Variants in EDIL3 observed in about 807,000 individuals in gnomAD.
EDIL3 encodes the protein EGF-like repeat and discoidin I-like domain-containing protein 3.
Under a neutral mutation model 67.4 loss-of-function variants are expected in EDIL3, and 37 were observed. That is an observed-to-expected ratio of 0.55 (90% confidence interval 0.42 to 0.72). The LOEUF (loss-of-function observed/expected upper bound fraction) is 0.72. Ranked by LOEUF, EDIL3 falls within the 30% of genes least tolerant of loss-of-function variation. The pLI, the probability that EDIL3 is intolerant of heterozygous loss-of-function variation, is 0.00. For missense variants in EDIL3, 527 were observed against 586.3 expected (o/e 0.90, Z 1.04); for synonymous variants, 195 against 196.3 (o/e 0.99, Z 0.05).
At chr5:84,193,006 T>C (rs189136705) in intron 3 of EDIL3, among the ~76,000 whole-genome samples, 6 of 151,984 alleles carry the variant, frequency 3.9e-5, no homozygotes, top group Admixed American at 3.3e-4. Flanking sequence ...AAAAAGGGCC[T>C]GTGGTAAGAC....
rs560182524 is a variant in EDIL3, at chr5:83,990,804, C to T, written c.1138-27444G>A. Among the ~76,000 whole-genome samples the T allele has an allele frequency of 2.0e-5, 3 of 150,768 alleles. 1 individual carries two copies. The highest frequency in any genetic ancestry group is 4.9e-5 in the African/African-American group (2 of 41,090). ...CTGAAACAGGAGAATTGCTTGAACC[C>T]GAGAGGTGGAGGTTGCAGTGAGATG... On this transcript the variant is annotated intron_variant, in intron 9 of 10. Coordinates refer to ENST00000296591, the MANE Select transcript of EDIL3 (RefSeq NM_005711.5).
intron 1 of EDIL3, among the ~76,000 whole-genome samples, chr5:84,378,958 C>T (rs1748024838): frequency 6.6e-6 from 1 of 152,042 alleles, no homozygotes; most frequent in African/African-American, 2.4e-5. Flanking sequence ...ATAATGATGA[C>T]AAAATATCAC....
At chr5:84,053,913 A>G (rs1258666931) in intron 9 of EDIL3, among the ~76,000 whole-genome samples, 1 of 152,184 alleles carries the variant, frequency 6.6e-6, no homozygotes, top group African/African-American at 2.4e-5. Context: ...TTCTGAAACT[A>G]TTCCAATCAA....
At position 84,250,159 on chromosome 5, in the gene EDIL3, C is replaced by G. The variant is rs372653170; in HGVS notation, c.196+3925G>C. ...CACTGGTTAATCTGGGTAATGCCTT[C>G]GAATTCAAGAATTTAAAACAAGGGC... On this transcript the variant is annotated intron_variant, in intron 2 of 10. Coordinates refer to ENST00000296591, the MANE Select transcript of EDIL3 (RefSeq NM_005711.5). Among the ~76,000 whole-genome samples the G allele has an allele frequency of 5.1e-4, 78 of 152,226 alleles. No individual in the cohort carries two copies. In the South Asian group the frequency reaches 0.016, roughly 31 times the overall value.
chr5:84,379,167 G>A (rs1009325346), intron 1 of EDIL3, among the ~76,000 whole-genome samples: 7 of 152,146 alleles, frequency 4.6e-5, no homozygotes, highest in Non-Finnish European at 7.4e-5. Flanking sequence ...CCTTAAAAGG[G>A]TATAATGGTG....
intron 1 of EDIL3, among the ~76,000 whole-genome samples, chr5:84,267,863 T>C (rs991191336): frequency 6.6e-6 from 1 of 152,208 alleles, no homozygotes; most frequent in Non-Finnish European, 1.5e-5. Flanking sequence ...AAGGCCAGGC[T>C]CTGTGGCTCA....
intron 1 of EDIL3, among the ~76,000 whole-genome samples, chr5:84,365,896 A>T (rs1747722730): frequency 2.0e-5 from 3 of 152,136 alleles, no homozygotes; most frequent in Admixed American, 2.0e-4. Context: ...TCTCTACAAC[A>T]GCTCTATTAG....
intron 1 of EDIL3, among the ~76,000 whole-genome samples, chr5:84,298,637 G>C (rs1012586026): frequency 1.3e-5 from 2 of 152,096 alleles, no homozygotes; most frequent in African/African-American, 4.8e-5. Context: ...AAATAAAAAA[G>C]AAACTTCTCA....
At chr5:84,017,690 A>G (rs1340538671) in intron 9 of EDIL3, among the ~76,000 whole-genome samples, 2 of 152,180 alleles carry the variant, frequency 1.3e-5, no homozygotes, top group South Asian at 2.1e-4. Flanking sequence ...AAATTACAGC[A>G]TGCGCACCCA....
Position 84,242,257 on chromosome 5 carries a change from A to G in EDIL3, c.196+11827T>C, listed in dbSNP as rs201343627. Among the ~76,000 whole-genome samples, 4 of 151,972 alleles carry G rather than the reference A, an allele frequency of 2.6e-5. No individual in the cohort carries two copies. In the East Asian group the frequency reaches 7.8e-4, roughly 29 times the overall value. On this transcript the variant is annotated intron_variant, in intron 2 of 10. Coordinates refer to ENST00000296591, the MANE Select transcript of EDIL3 (RefSeq NM_005711.5). ...AAAAAAAAAAAAAATTTACACAAAA[A>G]CCCTTTGAAGTTGGTACTGTTAACC...
At chr5:84,006,217 T>C (rs1324730873) in intron 9 of EDIL3, among the ~76,000 whole-genome samples, 1 of 151,922 alleles carries the variant, frequency 6.6e-6, no homozygotes, top group Non-Finnish European at 1.5e-5. Context: ...AAACATTCCA[T>C]GCTCAAGAAT....
chr5:84,234,696 A>C (rs1045864299), intron 2 of EDIL3, among the ~76,000 whole-genome samples: 2 of 152,172 alleles, frequency 1.3e-5, no homozygotes, highest in Non-Finnish European at 2.9e-5. Flanking sequence ...TACATTTCTT[A>C]GTATATTATA....
chr5:84,377,538 G>A (rs375745028), intron 1 of EDIL3, among the ~76,000 whole-genome samples: 1 of 152,072 alleles, frequency 6.6e-6, no homozygotes, highest in Non-Finnish European at 1.5e-5. Flanking sequence ...AAATCTAAAT[G>A]GTTCCCCTGA....
At chr5:84,122,604 G>C (rs900877551) in intron 5 of EDIL3, among the ~76,000 whole-genome samples, 12 of 151,920 alleles carry the variant, frequency 7.9e-5, no homozygotes, top group Admixed American at 6.6e-4. Flanking sequence ...TTTGAACCCA[G>C]GTACATCTAT....
intron 3 of EDIL3, among the ~76,000 whole-genome samples, chr5:84,213,105 C>T (rs1744161504): frequency 6.6e-6 from 1 of 151,646 alleles, no homozygotes; most frequent in South Asian, 2.1e-4. Flanking sequence ...AAAAGTACGA[C>T]AACTTGCTTG....
chr5:84,358,166 G>A (rs991052811), intron 1 of EDIL3, among the ~76,000 whole-genome samples: 2 of 152,120 alleles, frequency 1.3e-5, no homozygotes, highest in Admixed American at 6.6e-5. Context: ...CAATACAAAT[G>A]GAGACAGTGA....
chr5:84,261,129 C>G lies in EDIL3; in HGVS notation c.68-6917G>C, dbSNP rs192056140. ...CTATTGTAGAAGCGAGAGTTTTGAA[C>G]CAATCTATAGACAGAATATTTGACA... On this transcript the variant is annotated intron_variant, in intron 1 of 10. Coordinates refer to ENST00000296591, the MANE Select transcript of EDIL3 (RefSeq NM_005711.5). 1.3e-4 allele frequency among the ~76,000 whole-genome samples: 20 copies of G among 152,208 alleles called. 1 individual carries two copies. In the East Asian group the frequency reaches 3.7e-3, roughly 28 times the overall value.
At chr5:84,298,084 A>G (rs958512363) in intron 1 of EDIL3, among the ~76,000 whole-genome samples, 2 of 151,922 alleles carry the variant, frequency 1.3e-5, no homozygotes, top group African/African-American at 4.8e-5. Context: ...TTCTCCCAAC[A>G]CTCAGCTTTT....
intron 4 of EDIL3, among the ~76,000 whole-genome samples, chr5:84,177,946 T>A (rs371198886): frequency 6.6e-6 from 1 of 152,194 alleles, no homozygotes; most frequent in African/African-American, 2.4e-5. Flanking sequence ...GTTAACATTC[T>A]GTCATATAGG....
Sources: allele counts gnomAD v4.1 joint callset (sites outside exome capture counted in the v4.1 genomes callset), GRCh38; gene constraint gnomAD v4.1.1; transcripts MANE v1.5; gene names NCBI Gene and HGNC (gene_info 2026-07-23, HGNC 2026-07-21).